Variants in AGBL4 observed in about 807,000 individuals in gnomAD.
The protein encoded by AGBL4 is cytosolic carboxypeptidase 6.
A neutral mutation model predicts 66.4 loss-of-function variants in AGBL4; 58 were observed. The ratio of observed to expected loss-of-function variants is 0.87; its 90% CI spans 0.71 to 1.09. The LOEUF (loss-of-function observed/expected upper bound fraction) is 1.09, where lower values mean the gene tolerates loss of function less well. AGBL4 is among the 50% of genes least tolerant of loss of function. The pLI is 0.00. For missense variants in AGBL4, 579 were observed against 631.0 expected, an observed-to-expected ratio of 0.92 and a Z score of 0.88; for synonymous variants, 234 against 222.9, an observed-to-expected ratio of 1.05 and a Z score of -0.44.
chr1:48,667,189 G>A (rs1646202597), intron 6 of AGBL4, among the ~76,000 whole-genome samples: 1 of 152,172 alleles, frequency 6.6e-6, no homozygotes, highest in African/African-American at 2.4e-5. Flanking sequence ...GTGTGGGCTG[G>A]ACTTAGAGAC....
In AGBL4 at chr1:49,004,564, AC is replaced by A. The variant is rs148399563; in HGVS notation, c.594+41019del. ...AAGCTCTGGGCTGGGCACTGGGGAC[AC>A]AGTGATAAATCAGATCCAGTCCTTG... On this transcript the variant is annotated intron_variant, in intron 5 of 13. Transcript: ENST00000371839. 3.0e-3 allele frequency among the ~76,000 whole-genome samples: 452 copies of A among 152,336 alleles called. 4 individuals carry two copies. The highest frequency in any genetic ancestry group is 0.01 in the African/African-American group (429 of 41,578).
chr1:49,998,705 T>C (rs1321062154), intron 1 of AGBL4, among the ~76,000 whole-genome samples: 1 of 152,102 alleles, frequency 6.6e-6, no homozygotes, highest in Non-Finnish European at 1.5e-5. Context: ...GCTAACTGAT[T>C]TCAACAACAT....
chr1:49,616,699 T>C (rs1439510008), intron 3 of AGBL4, among the ~76,000 whole-genome samples: 1 of 152,208 alleles, frequency 6.6e-6, no homozygotes, highest in Non-Finnish European at 1.5e-5. Flanking sequence ...CCTAGGCTCC[T>C]TATCTTTCCT....
At chr1:49,799,618 T>C (rs530312738) in intron 2 of AGBL4, among the ~76,000 whole-genome samples, 3 of 151,976 alleles carry the variant, frequency 2.0e-5, no homozygotes, top group South Asian at 2.1e-4. Context: ...GAAGATAGAT[T>C]TTAGAGTGAA....
intron 3 of AGBL4, among the ~76,000 whole-genome samples, chr1:49,433,271 C>A (rs1046223510): frequency 6.6e-6 from 1 of 152,142 alleles, no homozygotes; most frequent in Non-Finnish European, 1.5e-5. Flanking sequence ...CAATCAGAAG[C>A]ATAGGTAAAA....
At chr1:49,644,072 A>C (rs1452800932) in intron 3 of AGBL4, among the ~76,000 whole-genome samples, 1 of 151,698 alleles carries the variant, frequency 6.6e-6, no homozygotes, top group Non-Finnish European at 1.5e-5. Context: ...TGAGAGGGGG[A>C]AATGGAAGTA....
chr1:48,734,496 A>G (rs1025022739), intron 6 of AGBL4, among the ~76,000 whole-genome samples: 1 of 151,778 alleles, frequency 6.6e-6, no homozygotes, highest in African/African-American at 2.4e-5. Context: ...TTGCCCTTTG[A>G]CTCCAGCAAA....
At chr1:49,542,514 G>T (rs1192896251) in intron 3 of AGBL4, among the ~76,000 whole-genome samples, 2 of 152,134 alleles carry the variant, frequency 1.3e-5, no homozygotes, top group Non-Finnish European at 2.9e-5. Flanking sequence ...CTTCATTCTT[G>T]AAGTCAATGA....
At chr1:49,898,028 A>T (rs1434404853) in intron 1 of AGBL4, among the ~76,000 whole-genome samples, 2 of 152,132 alleles carry the variant, frequency 1.3e-5, no homozygotes, top group Non-Finnish European at 1.5e-5. Context: ...AACACTGGGG[A>T]AACTCTCCAG....
At chr1:49,696,179 C>T (rs1646980166) in intron 3 of AGBL4, among the ~76,000 whole-genome samples, 1 of 152,250 alleles carries the variant, frequency 6.6e-6, no homozygotes, top group Admixed American at 6.5e-5. Context: ...CATAATCTCA[C>T]TATGTGTACA....
intron 1 of AGBL4, among the ~76,000 whole-genome samples, chr1:50,005,954 A>G (rs1345390319): frequency 1.3e-5 from 2 of 152,208 alleles, no homozygotes; most frequent in Non-Finnish European, 2.9e-5. Flanking sequence ...GAAAACACAT[A>G]GTAAGAGGAG....
chr1:49,354,463 T>C (rs1436492842), intron 3 of AGBL4, among the ~76,000 whole-genome samples: 3 of 152,208 alleles, frequency 2.0e-5, no homozygotes, highest in African/African-American at 7.2e-5. Flanking sequence ...CCTCCTTCTC[T>C]TTCAGACTTT....
intron 3 of AGBL4, among the ~76,000 whole-genome samples, chr1:49,451,546 A>G (rs1646277658): frequency 6.6e-6 from 1 of 152,028 alleles, no homozygotes; most frequent in African/African-American, 2.4e-5. Flanking sequence ...AGCAAACACC[A>G]GGGCAGTCAT....
In AGBL4 at chr1:48,534,015, G is replaced by GA. The variant is rs1384789473; in HGVS notation, c.*157dup. On this transcript the variant is annotated 3_prime_UTR_variant, in exon 14 of 14. Coordinates refer to ENST00000371839, the MANE Select transcript of AGBL4 (RefSeq NM_032785.4). The stretch of plus-strand genomic sequence containing the variant: ...CAATTGATTTTCCATTGGAAAAAGG[G>GA]AAAATCAGTGATGAAGTTTCTCATT... The GA allele has an allele frequency of 8.0e-7, 1 of 1,244,552 alleles. No homozygotes were observed. Among genetic ancestry groups the GA allele is most frequent in the Admixed American group, 2.1e-5 (1 of 47,080 alleles). 77.1% of individuals were successfully genotyped at this position (1,244,552 alleles called of 1,614,324 possible).
chr1:48,848,037 G>C (rs1382548881), intron 6 of AGBL4, among the ~76,000 whole-genome samples: 1 of 152,078 alleles, frequency 6.6e-6, no homozygotes, highest in African/African-American at 2.4e-5. Flanking sequence ...TTCTCAGAGG[G>C]AAGAAAGTGG....
chr1:48,834,013 G>C (rs1027625242), intron 6 of AGBL4, among the ~76,000 whole-genome samples: 1 of 152,138 alleles, frequency 6.6e-6, no homozygotes, highest in Non-Finnish European at 1.5e-5. Flanking sequence ...TTGAATCAAA[G>C]AGGGTTATTT....
chr1:49,605,408 G>A (rs1392046079), intron 3 of AGBL4, among the ~76,000 whole-genome samples: 1 of 152,096 alleles, frequency 6.6e-6, no homozygotes, highest in Non-Finnish European at 1.5e-5. Context: ...AAAATGTATA[G>A]TTTGATGGGT....
intron 3 of AGBL4, among the ~76,000 whole-genome samples, chr1:49,489,420 T>C (rs1188242985): frequency 6.6e-6 from 1 of 151,906 alleles, no homozygotes; most frequent in African/African-American, 2.4e-5. Flanking sequence ...CCTGCTTATA[T>C]ATTCTGGTTA....
At chr1:49,376,377 T>C (rs1057246763) in intron 3 of AGBL4, among the ~76,000 whole-genome samples, 4 of 151,880 alleles carry the variant, frequency 2.6e-5, no homozygotes, top group African/African-American at 9.7e-5. Flanking sequence ...ATTTGGCCAA[T>C]GAAAAGCACT....
Sources: allele counts gnomAD v4.1 joint callset (sites outside exome capture counted in the v4.1 genomes callset), GRCh38; gene constraint gnomAD v4.1.1; transcripts MANE v1.5; gene names NCBI Gene and HGNC (gene_info 2026-07-23, HGNC 2026-07-21).